The following BARD1 variants were observed in gnomAD, a reference collection of about 807,000 sequenced individuals.
The protein encoded by BARD1 is BRCA1-associated RING domain protein 1.
BARD1 carries 73 observed loss-of-function variants against 77.0 expected under a neutral mutation model. That is an observed-to-expected ratio of 0.95 (90% CI 0.79 to 1.15). BARD1 has a LOEUF of 1.15. Among genes scored for constraint, BARD1 ranks in the 50% most tolerant of loss-of-function variants. BARD1 has a pLI of 0.00. For synonymous variants in BARD1, 384 were observed against 338.0 expected (o/e 1.14, Z -1.49); for missense variants, 993 against 938.8 (o/e 1.06, Z -0.75).
At chr2:214,760,819 G>A (rs1292458636) in intron 6 of BARD1, among the ~76,000 whole-genome samples, 3 of 149,196 alleles carry the variant, frequency 2.0e-5, no homozygotes, top group Non-Finnish European at 4.4e-5. Context: ...CTGTCGCCCA[G>A]GCTGGAGTGC....
In BARD1 at chr2:214,728,630, CACAA is replaced by C. The variant is rs1310361110; in HGVS notation, c.*42_*45del. 1.3e-6 allele frequency: 2 copies of C among 1,594,006 alleles called. No individual in the cohort carries two copies. The highest frequency in any genetic ancestry group is 2.7e-5 in the African/African-American group (2 of 74,238). ...AAAAACAGTACAATGACTGGGCTCTCACAAACCGTGCAAATTCAATTTGAAATGT... is the reference window on the plus strand; with the variant it reads ...AAAAACAGTACAATGACTGGGCTCTCACCGTGCAAATTCAATTTGAAATGT... On this transcript the variant is annotated 3_prime_UTR_variant, in exon 11 of 11. Transcript: ENST00000260947.
At chr2:214,732,175 C>A (rs1370100118) in intron 9 of BARD1, among the ~76,000 whole-genome samples, 5 of 152,106 alleles carry the variant, frequency 3.3e-5, no homozygotes, top group Admixed American at 3.3e-4. Context: ...CCAGCTGATC[C>A]CTACTTACTT....
In BARD1 at chr2:214,728,624, G is replaced by T; in HGVS notation, c.*52C>A. The T allele has an allele frequency of 6.5e-7, 1 of 1,549,526 alleles. No individual in the cohort carries two copies. The highest frequency in any genetic ancestry group is 8.9e-7 in the Non-Finnish European group (1 of 1,125,790). ...AACATTAAAAACAGTACAATGACTG[G>T]GCTCTCACAAACCGTGCAAATTCAA... On this transcript the variant is annotated 3_prime_UTR_variant, in exon 11 of 11. Transcript: ENST00000260947.
At chr2:214,787,480 A>T (rs1186070035) in intron 3 of BARD1, among the ~76,000 whole-genome samples, 1 of 151,974 alleles carries the variant, frequency 6.6e-6, no homozygotes, top group African/African-American at 2.4e-5. Context: ...ATATTCTAAG[A>T]TAAAACTGTA....
chr2:214,765,191 C>A (rs1694140876), intron 6 of BARD1, among the ~76,000 whole-genome samples: 1 of 152,176 alleles, frequency 6.6e-6, no homozygotes, highest in Non-Finnish European at 1.5e-5. Context: ...AACATTTCCA[C>A]CACCACAGAA....
intron 3 of BARD1, among the ~76,000 whole-genome samples, chr2:214,784,598 T>C (rs1305800659): frequency 6.6e-6 from 1 of 152,232 alleles, no homozygotes; most frequent in Admixed American, 6.5e-5. Context: ...TGTAGCACTG[T>C]TCACAATAGC....
intron 6 of BARD1, among the ~76,000 whole-genome samples, chr2:214,757,027 C>T (rs572673592): frequency 6.6e-6 from 1 of 152,238 alleles, no homozygotes; most frequent in East Asian, 1.9e-4. Context: ...AGCACCTCCT[C>T]GCCTCTTCCT....
chr2:214,735,753 G>C (rs1692541512), intron 9 of BARD1, among the ~76,000 whole-genome samples: 1 of 152,092 alleles, frequency 6.6e-6, no homozygotes, highest in Non-Finnish European at 1.5e-5. Context: ...CTTAAAAGCT[G>C]CTTAAATTGA....
At chr2:214,755,109 G>A (rs1693632637) in intron 6 of BARD1, among the ~76,000 whole-genome samples, 1 of 152,090 alleles carries the variant, frequency 6.6e-6, no homozygotes, top group African/African-American at 2.4e-5. Context: ...ACACAGAGGT[G>A]GATTTTATTC....
At chr2:214,774,953 C>T (rs116235003) in intron 4 of BARD1, among the ~76,000 whole-genome samples, 4,361 of 152,216 alleles carry the variant, frequency 0.029, 92 homozygotes, top group South Asian at 0.077. Flanking sequence ...AGCTTCCTCA[C>T]CTCTCTCAGT....
At chr2:214,753,288 G>A (rs193226922) in intron 6 of BARD1, among the ~76,000 whole-genome samples, 1 of 152,204 alleles carries the variant, frequency 6.6e-6, no homozygotes, top group Admixed American at 6.5e-5. Context: ...ATATTGCCCA[G>A]CCTAAAGTCT....
In BARD1 at chr2:214,727,582, G is replaced by A. The variant is rs7585356; in HGVS notation, c.*1094C>T. Reference sequence around the variant, plus strand: ...ACCTCCCCACATCTGGCCACTCTCAGGTGGTATCCTGCCCACTCACTAAGG... The same window carrying A: ...ACCTCCCCACATCTGGCCACTCTCAAGTGGTATCCTGCCCACTCACTAAGG... On this transcript the variant is annotated 3_prime_UTR_variant, in exon 11 of 11. Coordinates refer to ENST00000260947, the MANE Select transcript of BARD1 (RefSeq NM_000465.4). The A allele has an allele frequency of 0.28, 65,249 of 232,140 alleles. 9,763 individuals are homozygous for A. The highest frequency in any genetic ancestry group is 0.41 in the South Asian group (2,282 of 5,528). The allele number at this position is 232,140 out of a possible 1,614,324, so 14.4% of individuals were successfully genotyped here. A position where few individuals can be genotyped will look rare whatever the true frequency, so the allele number is the denominator to read the frequency against.
At chr2:214,751,518 T>C (rs1020442934) in intron 7 of BARD1, among the ~76,000 whole-genome samples, 10 of 152,008 alleles carry the variant, frequency 6.6e-5, no homozygotes, top group African/African-American at 2.4e-4. Flanking sequence ...TTGATTCTAC[T>C]GTATATTTTT....
intron 5 of BARD1, among the ~76,000 whole-genome samples, chr2:214,768,885 G>C (rs1000882529): frequency 2.6e-5 from 4 of 152,114 alleles, no homozygotes; most frequent in Admixed American, 2.6e-4. Flanking sequence ...CAGTTCCTCC[G>C]ACCTCTTTTT....
intron 3 of BARD1, among the ~76,000 whole-genome samples, chr2:214,785,502 T>C (rs1471418583): frequency 6.6e-6 from 1 of 152,108 alleles, no homozygotes; most frequent in Non-Finnish European, 1.5e-5. Context: ...AATTATTTGA[T>C]ATCTCTTAAA....
At chr2:214,757,374 C>CT (rs1463978180) in intron 6 of BARD1, among the ~76,000 whole-genome samples, 1 of 150,652 alleles carries the variant, frequency 6.6e-6, no homozygotes, top group Non-Finnish European at 1.5e-5. Context: ...TTTATAAAAT[C>CT]TTTAAAGATA....
At chr2:214,794,268 T>C (rs1039119168) in intron 2 of BARD1, among the ~76,000 whole-genome samples, 1 of 151,846 alleles carries the variant, frequency 6.6e-6, no homozygotes, top group East Asian at 1.9e-4. Context: ...AAAATAAAAA[T>C]AAAAAAGCAC....
chr2:214,735,241 T>C (rs1408792901), intron 9 of BARD1, among the ~76,000 whole-genome samples: 1 of 152,170 alleles, frequency 6.6e-6, no homozygotes, highest in Non-Finnish European at 1.5e-5. Context: ...CACTGTATTA[T>C]GAGGCCATTT....
chr2:214,763,544 A>T (rs142187031), intron 6 of BARD1, among the ~76,000 whole-genome samples: 1 of 152,318 alleles, frequency 6.6e-6, no homozygotes, highest in African/African-American at 2.4e-5. Flanking sequence ...CCACTTAGAA[A>T]TTTACAGTAA....
Sources: allele counts gnomAD v4.1 joint callset (sites outside exome capture counted in the v4.1 genomes callset), GRCh38; gene constraint gnomAD v4.1.1; transcripts MANE v1.5; gene names NCBI Gene and HGNC (gene_info 2026-07-23, HGNC 2026-07-21).